Variants in PSMD6 observed in about 807,000 individuals in gnomAD.
PSMD6 encodes proteasome 26S subunit, non-ATPase 6, also known as 26S proteasome non-ATPase regulatory subunit 6.
A neutral mutation model predicts 44.9 loss-of-function variants in PSMD6; 7 were observed. That is an observed-to-expected ratio of 0.16 (90% CI 0.09 to 0.29). The LOEUF (loss-of-function observed/expected upper bound fraction) is 0.29, where lower values mean the gene tolerates loss of function less well. Among genes scored for constraint, PSMD6 ranks in the 10% least tolerant of loss-of-function variants. The pLI is 1.00. For missense variants in PSMD6, 420 were observed against 482.6 expected (o/e 0.87, Z 1.21); for synonymous variants, 184 against 172.7 (o/e 1.07, Z -0.51).
Position 64,018,801 on chromosome 3 carries a change from T to G in PSMD6, c.717+17A>C. On this transcript the variant is annotated intron_variant, in intron 4 of 7. Coordinates refer to ENST00000295901, the MANE Select transcript of PSMD6 (RefSeq NM_014814.3). ...AAAACAAGTCTTTAAATTTGAGTAT[T>G]AAAGTTTGGTCATTACCTTTTCCCT... 6.5e-7 allele frequency: 1 copy of G among 1,549,272 alleles called. No homozygotes were observed. Among genetic ancestry groups the G allele is most frequent in the Non-Finnish European group, 8.9e-7 (1 of 1,125,338 alleles).
At chr3:64,019,190 T>G (rs2076092968) in intron 3 of PSMD6, 106 bp downstream of exon 3, 2 of 1,426,726 alleles carry the variant, frequency 1.4e-6, no homozygotes, top group Admixed American at 2.1e-5. Context: ...CATCAATTAT[T>G]TGACCAAACT....
chr3:64,011,536 G>GA (rs1413648195), intron 6 of PSMD6: 1 of 150,518 alleles, frequency 6.6e-6, no homozygotes, highest in Non-Finnish European at 1.5e-5. Flanking sequence ...TGACAACCCA[G>GA]ATTTGAAATT....
At chr3:64,023,194 T>A in intron 1 of PSMD6, 81 bp downstream of exon 1, 2 of 1,464,542 alleles carry the variant, frequency 1.4e-6, no homozygotes, top group Admixed American at 2.5e-5. Context: ...TGGAGCTCCA[T>A]CAAAAAAAGT....
intron 5 of PSMD6, 41 bp downstream of exon 5, chr3:64,018,558 A>G: frequency 7.1e-7 from 1 of 1,408,462 alleles, no homozygotes; most frequent in Non-Finnish European, 9.9e-7. Flanking sequence ...ATCAGGAGTA[A>G]GATGAAGACA....
At chr3:64,023,171 C>G in intron 1 of PSMD6, 104 bp downstream of exon 1, 6 of 1,437,750 alleles carry the variant, frequency 4.2e-6, no homozygotes, top group Non-Finnish European at 5.5e-6. Context: ...TCTGAGACCC[C>G]GTCAGAGGGG....
Position 64,010,971 on chromosome 3 carries a change from AAAAT to A in PSMD6, c.996-20_996-17del. The A allele has an allele frequency of 6.4e-7, 1 of 1,559,468 alleles. No homozygotes were observed. Among genetic ancestry groups the A allele is most frequent in the Non-Finnish European group, 8.7e-7 (1 of 1,144,844 alleles). ...GGACAGTTCCCTAATTTAGAGACAA[AAAAT>A]AACAGAATTAGCTTTATAGAAAATT... On this transcript the variant is annotated splice_polypyrimidine_tract_variant and intron_variant, in intron 6 of 7. Coordinates refer to ENST00000295901, the MANE Select transcript of PSMD6 (RefSeq NM_014814.3).
At chr3:64,023,179 G>T in intron 1 of PSMD6, 96 bp downstream of exon 1, 1 of 1,443,246 alleles carries the variant, frequency 6.9e-7, no homozygotes, top group South Asian at 1.4e-5. Context: ...CCCGTCAGAG[G>T]GGTCTGGAGC....
chr3:64,011,769 T>G (rs1261430474), intron 6 of PSMD6: 1 of 152,208 alleles, frequency 6.6e-6, no homozygotes, highest in Non-Finnish European at 1.5e-5. Context: ...TGCCCCTAAC[T>G]AATGAAGGCT....
chr3:64,018,494 C>T, intron 5 of PSMD6, 105 bp downstream of exon 5: 3 of 805,756 alleles, frequency 3.7e-6, no homozygotes, highest in Non-Finnish European at 5.9e-6. Flanking sequence ...CAGCTACCTA[C>T]ACACTACATT....
At chr3:64,015,308 C>T (rs2076025756) in intron 5 of PSMD6, 1 of 152,112 alleles carries the variant, frequency 6.6e-6, no homozygotes, top group South Asian at 2.1e-4. Flanking sequence ...TTGGAAAGTT[C>T]AATTTTTTAG....
upstream of PSMD6, chr3:64,023,744 T>A (rs2076172247): frequency 4.0e-6 from 6 of 1,482,378 alleles, no homozygotes; most frequent in Non-Finnish European, 5.4e-6. Flanking sequence ...TTGTAACTGA[T>A]GGGAGCTTAA....
At chr3:64,023,545 G>T (rs2076169781), upstream of PSMD6, 3 of 1,410,468 alleles carry the variant, frequency 2.1e-6, no homozygotes, top group African/African-American at 1.5e-5. Context: ...CGTCTCCGCC[G>T]GCAGCGTCCT....
Position 64,010,767 on chromosome 3 carries a change from A to G in PSMD6, c.1074-3T>C, listed in dbSNP as rs113068109. The G allele has an allele frequency of 6.2e-7, 1 of 1,600,262 alleles. No individual in the cohort carries two copies. The highest frequency in any genetic ancestry group is 1.3e-5 in the African/African-American group (1 of 74,626). On this transcript the variant is annotated splice_region_variant and splice_polypyrimidine_tract_variant and intron_variant, in intron 7 of 7. Transcript: ENST00000295901. Reference sequence around the variant, plus strand: ...ACTGCCAGTTCTTGCTATCAGGTCTATAAATAAATTCAAGAAAAAATGAAT... The same window carrying G: ...ACTGCCAGTTCTTGCTATCAGGTCTGTAAATAAATTCAAGAAAAAATGAAT...
In PSMD6 at chr3:64,023,437, C is replaced by A. The variant is rs1304425893; in HGVS notation, c.-18G>T. 1.3e-6 allele frequency: 2 copies of A among 1,584,890 alleles called. No individual in the cohort carries two copies. Among genetic ancestry groups the A allele is most frequent in the Non-Finnish European group, 1.7e-6 (2 of 1,161,672 alleles). ...AGCGGCATCGCGGCGAAGGGGACAG[C>A]GGCTGACAGGACACAACTTGGTTAC... On this transcript the variant is annotated 5_prime_UTR_variant, in exon 1 of 8. Transcript: ENST00000295901.
At chr3:64,014,467 CCT>C (rs752342184) in intron 5 of PSMD6, 1 of 152,026 alleles carries the variant, frequency 6.6e-6, no homozygotes, top group Non-Finnish European at 1.5e-5. Context: ...ACAGGGAATA[CCT>C]CTCTCAGGGG....
intron 5 of PSMD6, chr3:64,014,211 G>A (rs1309940365): frequency 6.6e-6 from 1 of 152,118 alleles, no homozygotes; most frequent in Non-Finnish European, 1.5e-5. Context: ...TTAGAAGACA[G>A]TAAAATGTAC....
At chr3:64,011,981 C>G (rs191216466) in intron 6 of PSMD6, 1 of 152,254 alleles carries the variant, frequency 6.6e-6, no homozygotes, top group Admixed American at 6.5e-5. Flanking sequence ...CATCAGACTT[C>G]AATTTCACAG....
At chr3:64,017,196 G>A (rs2076058195) in intron 5 of PSMD6, 1 of 152,272 alleles carries the variant, frequency 6.6e-6, no homozygotes, top group Admixed American at 6.5e-5. Context: ...TTTCCTTTTG[G>A]GGTGATCAAG....
intron 5 of PSMD6, chr3:64,016,192 A>C (rs956398270): frequency 1.8e-4 from 27 of 151,986 alleles, no homozygotes; most frequent in Non-Finnish European, 3.4e-4. Context: ...GTCTCAAATA[A>C]ATAAATAAAT....
Sources: allele counts gnomAD v4.1 joint callset, GRCh38; gene constraint gnomAD v4.1.1; transcripts MANE v1.5; gene names NCBI Gene and HGNC (gene_info 2026-07-23, HGNC 2026-07-21).